The following ADAMTSL1 variants were observed in gnomAD, a reference collection of about 807,000 sequenced individuals.
The protein encoded by ADAMTSL1 is ADAMTS like 1.
A neutral mutation model predicts 201.8 loss-of-function variants in ADAMTSL1; 126 were observed. The observed-to-expected ratio is 0.62, with a 90% CI of 0.54 to 0.72. The LOEUF is 0.72. ADAMTSL1 is among the 30% of genes least tolerant of loss of function. The probability of loss-of-function intolerance (pLI) is 0.00; values close to 1 mark genes in which losing one functional copy is unlikely to be tolerated. For missense variants in ADAMTSL1, 2,679 were observed against 2,277.8 expected, an observed-to-expected ratio of 1.18 and a Z score of -3.59; for synonymous variants, 1,121 against 903.4, an observed-to-expected ratio of 1.24 and a Z score of -4.32.
chr9:18,015,111 G>A (rs1246947615), intron 1 of ADAMTSL1, among the ~76,000 whole-genome samples: 1 of 152,042 alleles, frequency 6.6e-6, no homozygotes, highest in East Asian at 1.9e-4. Context: ...CATGGGGCAG[G>A]TATTAATATC....
intron 2 of ADAMTSL1, among the ~76,000 whole-genome samples, chr9:18,403,757 G>A (rs1330802045): frequency 1.3e-5 from 2 of 151,972 alleles, no homozygotes; most frequent in Non-Finnish European, 2.9e-5. Context: ...CCTCTGACTG[G>A]CATGATCTTG....
At chr9:18,383,504 A>AC (rs1837649609) in intron 2 of ADAMTSL1, among the ~76,000 whole-genome samples, 1 of 151,964 alleles carries the variant, frequency 6.6e-6, no homozygotes, top group Non-Finnish European at 1.5e-5. Context: ...TGCCCAGCTG[A>AC]CCCCCAGAAT....
At chr9:18,566,898 T>A (rs1821936368) in intron 3 of ADAMTSL1, among the ~76,000 whole-genome samples, 1 of 152,176 alleles carries the variant, frequency 6.6e-6, no homozygotes, top group South Asian at 2.1e-4. Context: ...TTGGTTGTGA[T>A]CAGATTCTGT....
Position 18,017,597 on chromosome 9 carries a change from G to A in ADAMTSL1, c.87+110675G>A, listed in dbSNP as rs145442300. Among the ~76,000 whole-genome samples, 411 of 151,996 alleles carry A rather than the reference G, an allele frequency of 2.7e-3. 2 individuals are homozygous for A. The highest frequency in any genetic ancestry group is 9.5e-3 in the African/African-American group (394 of 41,504). The stretch of plus-strand genomic sequence containing the variant: ...GTATAGCTCCAATGATACGGTCTGC[G>A]AGCATTTTTGTTGGAAATCCTGTCT... On this transcript the variant is annotated intron_variant, in intron 1 of 29. Coordinates refer to the ADAMTSL1 transcript ENST00000680146.
chr9:18,120,952 A>T (rs1340296558), intron 1 of ADAMTSL1, among the ~76,000 whole-genome samples: 1 of 152,116 alleles, frequency 6.6e-6, no homozygotes, highest in African/African-American at 2.4e-5. Context: ...TATAGACTCT[A>T]CACAGAAATA....
At chr9:18,389,747 T>G (rs534955836) in intron 2 of ADAMTSL1, among the ~76,000 whole-genome samples, 1 of 151,992 alleles carries the variant, frequency 6.6e-6, no homozygotes, top group African/African-American at 2.4e-5. Flanking sequence ...AAAATACAGA[T>G]GGCCATCATA....
chr9:18,302,680 G>C (rs1322814469), intron 2 of ADAMTSL1, among the ~76,000 whole-genome samples: 4 of 152,150 alleles, frequency 2.6e-5, no homozygotes, highest in Non-Finnish European at 5.9e-5. Flanking sequence ...ATGTATAACA[G>C]TCTAATAATC....
intron 6 of ADAMTSL1, among the ~76,000 whole-genome samples, chr9:18,638,540 T>A (rs975621597): frequency 6.6e-6 from 1 of 152,138 alleles, no homozygotes; most frequent in Non-Finnish European, 1.5e-5. Context: ...TGCTCTGATT[T>A]TCTACAACAA....
intron 2 of ADAMTSL1, among the ~76,000 whole-genome samples, chr9:18,290,859 A>T (rs7862648): frequency 6.7e-6 from 1 of 148,536 alleles, no homozygotes; most frequent in East Asian, 2.0e-4. Context: ...TTGGCTCACT[A>T]CAAGCTCTGC....
chr9:18,682,235 C>T (rs979675310), intron 12 of ADAMTSL1, among the ~76,000 whole-genome samples: 2 of 152,122 alleles, frequency 1.3e-5, no homozygotes, highest in African/African-American at 4.8e-5. Context: ...TACGGATGTA[C>T]CTGCTTAAAG....
intron 2 of ADAMTSL1, among the ~76,000 whole-genome samples, chr9:18,398,636 T>G (rs1817841489): frequency 6.6e-6 from 1 of 152,180 alleles, no homozygotes; most frequent in South Asian, 2.1e-4. Flanking sequence ...TAATTTTGCT[T>G]TACATAATTT....
chr9:17,936,583 C>T (rs74732960), intron 1 of ADAMTSL1, among the ~76,000 whole-genome samples: 3,763 of 152,250 alleles, frequency 0.025, 164 homozygotes, highest in African/African-American at 0.086. Context: ...GCAGGGCTGC[C>T]GCTCAGGCCA....
At chr9:18,399,857 G>T (rs1330951924) in intron 2 of ADAMTSL1, among the ~76,000 whole-genome samples, 1 of 152,030 alleles carries the variant, frequency 6.6e-6, no homozygotes, top group Non-Finnish European at 1.5e-5. Flanking sequence ...TGTTGGTGCT[G>T]GTCCAAAATG....
At chr9:18,628,642 T>C (rs1826548542) in intron 5 of ADAMTSL1, among the ~76,000 whole-genome samples, 1 of 152,186 alleles carries the variant, frequency 6.6e-6, no homozygotes, top group African/African-American at 2.4e-5. Flanking sequence ...TTGTGTTAAT[T>C]CTACAGATTG....
At chr9:18,473,511 A>G (rs188922520), upstream of ADAMTSL1, among the ~76,000 whole-genome samples, 30 of 152,342 alleles carry the variant, frequency 2.0e-4, 1 homozygote, top group Non-Finnish European at 3.8e-4. Context: ...TTAATAACAC[A>G]AAATAACTTA....
At chr9:18,904,343 C>T (rs1177757260) in intron 26 of ADAMTSL1, among the ~76,000 whole-genome samples, 1 of 151,940 alleles carries the variant, frequency 6.6e-6, no homozygotes, top group Non-Finnish European at 1.5e-5. Context: ...ATGGCACATG[C>T]CTGTAGTCCC....
chr9:18,574,734 T>C (rs564152978), intron 4 of ADAMTSL1, among the ~76,000 whole-genome samples: 2 of 152,266 alleles, frequency 1.3e-5, no homozygotes, highest in East Asian at 1.9e-4. Flanking sequence ...TTCCATTGTA[T>C]TGAAAATTCA....
At chr9:18,631,592 A>C (rs1826777095) in intron 5 of ADAMTSL1, among the ~76,000 whole-genome samples, 1 of 152,250 alleles carries the variant, frequency 6.6e-6, no homozygotes, top group Non-Finnish European at 1.5e-5. Context: ...AGATAAACTC[A>C]GATATCAGAA....
intron 10 of ADAMTSL1, among the ~76,000 whole-genome samples, chr9:18,677,856 A>T (rs1830215754): frequency 6.6e-6 from 1 of 152,042 alleles, no homozygotes; most frequent in Non-Finnish European, 1.5e-5. Context: ...AGTTATAAAG[A>T]TAGATATTCA....
Sources: allele counts gnomAD v4.1 joint callset (sites outside exome capture counted in the v4.1 genomes callset), GRCh38; gene constraint gnomAD v4.1.1; transcripts MANE v1.5; gene names NCBI Gene and HGNC (gene_info 2026-07-23, HGNC 2026-07-21).